KRABD2: variants seen among roughly 807,000 people sequenced by gnomAD.
KRABD2 encodes KRAB domain-containing protein 2.
At chr17:8,370,504 A>G in the KRABD2 span, 1 of 703,658 alleles carries the variant, frequency 1.4e-6, no homozygotes, top group Non-Finnish European at 2.3e-6. Context: ...ATTATATGGA[A>G]GAATGATAAT....
At chr17:8,374,194 TGTGGGGAAAAGAAAGA>T in the KRABD2 span, among the ~76,000 whole-genome samples, 5,075 of 152,208 alleles carry the variant, frequency 0.033, 275 homozygotes, top group African/African-American at 0.11. Flanking sequence ...AAGGGGGAAA[TGTGGGGAAAAGAAAGA>T]GAAATCAGAT....
At chr17:8,363,868 T>TATATATAC in the KRABD2 span, among the ~76,000 whole-genome samples, 3 of 69,826 alleles carry the variant, frequency 4.3e-5, no homozygotes, top group Non-Finnish European at 1.0e-4. Context: ...TATATTTATT[T>TATATATAC]ATTTATTTAT....
chr17:8,365,572 A>G, the KRABD2 span: 3 of 152,264 alleles, frequency 2.0e-5, no homozygotes, highest in African/African-American at 7.2e-5. Flanking sequence ...ACACTGCAGA[A>G]TCTGAAAAGA....
At chr17:8,369,395 A>G in the KRABD2 span, 1 of 1,614,204 alleles carries the variant, frequency 6.2e-7, no homozygotes, top group South Asian at 1.1e-5. Flanking sequence ...CCTCAAATGG[A>G]CTTTGCTGCA....
At chr17:8,375,702 T>TTTC in the KRABD2 span, 1 of 85,552 alleles carries the variant, frequency 1.2e-5, no homozygotes, top group Non-Finnish European at 2.4e-5. Context: ...CTTTTCTTTC[T>TTTC]TTTTTTTTTT....
chr17:8,359,521 T>A, the KRABD2 span: 2 of 451,502 alleles, frequency 4.4e-6, no homozygotes, highest in Admixed American at 4.8e-5. Context: ...AAGGCCAGCA[T>A]GATGCCTGGT....
At chr17:8,368,006 T>A in the KRABD2 span, among the ~76,000 whole-genome samples, 2 of 146,136 alleles carry the variant, frequency 1.4e-5, no homozygotes, top group African/African-American at 5.1e-5. Context: ...CGTGTGCCTG[T>A]AATCCTAGCA....
chr17:8,373,171 C>CCA, the KRABD2 span, among the ~76,000 whole-genome samples: 1 of 149,512 alleles, frequency 6.7e-6, no homozygotes, highest in South Asian at 2.1e-4. Flanking sequence ...GTCTCCGTCT[C>CCA]CGTCTCCACG....
chr17:8,359,212 T>G, the KRABD2 span, among the ~76,000 whole-genome samples: 1 of 152,212 alleles, frequency 6.6e-6, no homozygotes, highest in Admixed American at 6.5e-5. Context: ...ATGTTCTCAG[T>G]GCATCCTTTC....
chr17:8,370,274 A>C, the KRABD2 span: 6 of 1,612,956 alleles, frequency 3.7e-6, no homozygotes, highest in Admixed American at 8.4e-5. Context: ...TTACACTCAT[A>C]AGAAACTTTT....
chr17:8,363,852 TATA>T, the KRABD2 span, among the ~76,000 whole-genome samples: 8 of 89,174 alleles, frequency 9.0e-5, no homozygotes, highest in Non-Finnish European at 1.6e-4. Context: ...TATATATATA[TATA>T]TATATATTTA....
chr17:8,363,189 G>A, the KRABD2 span, among the ~76,000 whole-genome samples: 1 of 152,124 alleles, frequency 6.6e-6, no homozygotes, highest in Non-Finnish European at 1.5e-5. Context: ...AATACAGAAG[G>A]AAGAATATGT....
the KRABD2 span, among the ~76,000 whole-genome samples, chr17:8,367,540 G>A: frequency 4.4e-4 from 66 of 151,388 alleles, no homozygotes; most frequent in African/African-American, 1.6e-3. Context: ...GTGCACGCCT[G>A]TAGTCCCAGC....
chr17:8,362,413 A>T, the KRABD2 span, among the ~76,000 whole-genome samples: 3,879 of 152,322 alleles, frequency 0.025, 172 homozygotes, highest in African/African-American at 0.088. The surrounding 1 kb of genome is among the most constrained non-coding windows in gnomAD (Gnocchi z 4.2). Flanking sequence ...TATTATTCCA[A>T]GCAGAGCTTT....
chr17:8,361,668 C>T, the KRABD2 span, among the ~76,000 whole-genome samples: 1 of 152,174 alleles, frequency 6.6e-6, no homozygotes, highest in African/African-American at 2.4e-5. Flanking sequence ...AGAGATCCTT[C>T]CACCTCAGCC....
the KRABD2 span, chr17:8,370,043 C>T: frequency 6.2e-7 from 1 of 1,614,140 alleles, no homozygotes; most frequent in Non-Finnish European, 8.5e-7. Flanking sequence ...ACAACTCTTC[C>T]TTATGTACAT....
chr17:8,374,064 C>T, the KRABD2 span, among the ~76,000 whole-genome samples: 5 of 152,138 alleles, frequency 3.3e-5, no homozygotes, highest in South Asian at 4.1e-4. Flanking sequence ...CCCGCCCGGC[C>T]GGCCGCCCCG....
chr17:8,362,348 G>T, the KRABD2 span, among the ~76,000 whole-genome samples: 1 of 151,680 alleles, frequency 6.6e-6, no homozygotes, highest in Non-Finnish European at 1.5e-5. The surrounding 1 kb of genome is among the most constrained non-coding windows in gnomAD (Gnocchi z 4.2). Context: ...AAAAGAAAAT[G>T]AATTTAAAGC....
At chr17:8,364,909 C>T in the KRABD2 span, among the ~76,000 whole-genome samples, 1 of 151,984 alleles carries the variant, frequency 6.6e-6, no homozygotes, top group Admixed American at 6.6e-5. The surrounding 1 kb of genome is among the most constrained non-coding windows in gnomAD (Gnocchi z 4.4). Context: ...TGGCGGGCAC[C>T]TGTAATCCCA....
Sources: gnomAD v4.1 joint callset for allele counts (sites outside exome capture counted in the v4.1 genomes callset) on GRCh38, gnomAD v4.1.1 for gene constraint, Gnocchi (gnomAD v3.1) non-coding constraint, MANE v1.5 for transcripts, NCBI Gene and HGNC (gene_info 2026-07-23, HGNC 2026-07-21) for gene names.